DENND6A: variants seen among roughly 807,000 people sequenced by gnomAD.
DENND6A encodes protein DENND6A.
In DENND6A, 43 loss-of-function variants were observed where a neutral mutation model predicts 95.5. The observed-to-expected ratio is 0.45, with a 90% CI of 0.35 to 0.58. The LOEUF (loss-of-function observed/expected upper bound fraction) is 0.58. Ranked by LOEUF, DENND6A falls within the 20% of genes least tolerant of loss-of-function variation. The pLI, the probability that DENND6A is intolerant of heterozygous loss-of-function variation, is 0.00. For missense variants in DENND6A, 574 were observed against 736.0 expected, an observed-to-expected ratio of 0.78 and a Z score of 2.55; for synonymous variants, 257 against 260.4, an observed-to-expected ratio of 0.99 and a Z score of 0.13.
At chr3:57,662,253 T>C (rs1284401098) in intron 5 of DENND6A, among the ~76,000 whole-genome samples, 1 of 145,124 alleles carries the variant, frequency 6.9e-6, no homozygotes, top group African/African-American at 2.6e-5. Flanking sequence ...TGCAATGGTG[T>C]GATCATGGCT....
intron 11 of DENND6A, among the ~76,000 whole-genome samples, chr3:57,644,723 G>GAC (rs2071033154): frequency 4.2e-5 from 1 of 23,898 alleles, no homozygotes; most frequent in African/African-American, 1.7e-4. Context: ...GAGGAGGGGA[G>GAC]AGGAGGGGAA....
intron 1 of DENND6A, among the ~76,000 whole-genome samples, chr3:57,689,420 A>C (rs755897988): frequency 8.5e-5 from 13 of 152,178 alleles, no homozygotes; most frequent in Non-Finnish European, 1.6e-4. Flanking sequence ...ACAGTATATC[A>C]AACCCAGGAG....
At chr3:57,690,684 TAA>T (rs34961564) in intron 1 of DENND6A, among the ~76,000 whole-genome samples, 12 of 141,126 alleles carry the variant, frequency 8.5e-5, no homozygotes, top group Admixed American at 2.1e-4. Context: ...ACTCTGTCTT[TAA>T]AAAAAAAAAA....
Position 57,634,726 on chromosome 3 carries a change from T to C in DENND6A, c.1176A>G (p.Leu392=), listed in dbSNP as rs185906757. 1.5e-4 allele frequency: 230 copies of C among 1,571,344 alleles called. 1 individual carries two copies. In the East Asian group the frequency reaches 4.7e-3, roughly 32 times the overall value. The part of the protein sequence containing the change: ...KQVKVKKLKN[L]KTLDSKPGVY... ...TACCAGGTTTGGAATCCAGAGTCTT[T>C]AGATTCTTCAGTTTTTTCACTTTAA... Residue 392 remains leucine (L), a synonymous_variant, in exon 13 of 20, where the codon CTA becomes CTG. Coordinates refer to ENST00000311128, the MANE Select transcript of DENND6A (RefSeq NM_152678.3).
chr3:57,646,252 C>G, intron 10 of DENND6A, 64 bp downstream of exon 10: 1 of 1,547,860 alleles, frequency 6.5e-7, no homozygotes, highest in Admixed American at 2.1e-5. Flanking sequence ...GCAAATATCA[C>G]CAACAGGTTA....
intron 1 of DENND6A, among the ~76,000 whole-genome samples, chr3:57,674,961 C>T (rs781485156): frequency 9.2e-5 from 14 of 152,096 alleles, no homozygotes; most frequent in Non-Finnish European, 1.6e-4. Flanking sequence ...ACAACAGACA[C>T]TGGGGTCTAC....
At chr3:57,671,790 A>T (rs1232164790) in intron 3 of DENND6A, among the ~76,000 whole-genome samples, 3 of 152,156 alleles carry the variant, frequency 2.0e-5, no homozygotes, top group Non-Finnish European at 4.4e-5. Context: ...TACACCAAGC[A>T]CTACGCCAAG....
chr3:57,680,326 T>C (rs1166281488), intron 1 of DENND6A, among the ~76,000 whole-genome samples: 1 of 152,130 alleles, frequency 6.6e-6, no homozygotes, highest in Admixed American at 6.5e-5. Context: ...CTTGCTTCAA[T>C]AACAACAAAA....
intron 9 of DENND6A, among the ~76,000 whole-genome samples, chr3:57,648,277 G>A (rs2071121046): frequency 6.6e-6 from 1 of 151,922 alleles, no homozygotes; most frequent in Non-Finnish European, 1.5e-5. Flanking sequence ...AAAATACTAA[G>A]GAATATACTT....
intron 14 of DENND6A, 58 bp downstream of exon 14, chr3:57,634,500 C>A: frequency 1.1e-6 from 1 of 926,740 alleles, no homozygotes; most frequent in South Asian, 2.6e-5. Flanking sequence ...TATTGCGTAA[C>A]TGGATATTAC....
chr3:57,630,901 A>G lies in DENND6A; in HGVS notation c.1407+24T>C, dbSNP rs748485502. The G allele has an allele frequency of 3.7e-6, 6 of 1,612,524 alleles. No homozygotes were observed. The South Asian group carries it at 6.6e-5, about 18-fold the overall frequency. On this transcript the variant is annotated intron_variant, in intron 16 of 19. Transcript: ENST00000311128. ...GAAGTTAATTACAGTTAGAGGACCC[A>G]AATAGATTTGAATATATTCATACCT...
chr3:57,667,051 C>G (rs2071534905), intron 3 of DENND6A, among the ~76,000 whole-genome samples: 2 of 152,082 alleles, frequency 1.3e-5, no homozygotes, highest in Non-Finnish European at 2.9e-5. Context: ...TTTTTTGAGA[C>G]AGAGTCTCGC....
At chr3:57,669,756 TCA>T (rs752086888) in intron 3 of DENND6A, among the ~76,000 whole-genome samples, 1 of 150,376 alleles carries the variant, frequency 6.6e-6, no homozygotes, top group Non-Finnish European at 1.5e-5. Context: ...GTGCAGTGGT[TCA>T]CACCTGTAAT....
chr3:57,659,913 C>T (rs2071391241), intron 7 of DENND6A, among the ~76,000 whole-genome samples: 1 of 152,208 alleles, frequency 6.6e-6, no homozygotes, highest in Admixed American at 6.5e-5. Context: ...GCATATCACT[C>T]ATCTCTGGAG....
intron 19 of DENND6A, 88 bp from the exon 20 acceptor site, chr3:57,628,433 C>A: frequency 6.8e-7 from 1 of 1,473,580 alleles, no homozygotes; most frequent in Non-Finnish European, 9.0e-7. Context: ...TTTTAAAGGT[C>A]TAACAATTAG....
chr3:57,670,668 A>C (rs768605579), intron 3 of DENND6A, among the ~76,000 whole-genome samples: 3 of 152,144 alleles, frequency 2.0e-5, no homozygotes, highest in Non-Finnish European at 4.4e-5. Flanking sequence ...GTTGCCTTCA[A>C]CTCAAAATAA....
intron 5 of DENND6A, among the ~76,000 whole-genome samples, chr3:57,662,856 T>C (rs1421980216): frequency 6.6e-6 from 1 of 151,952 alleles, no homozygotes; most frequent in East Asian, 1.9e-4. Flanking sequence ...CGGTGGCTCA[T>C]GCCTGTAATC....
At chr3:57,658,235 CAA>C (rs371174320) in intron 8 of DENND6A, among the ~76,000 whole-genome samples, 4 of 124,194 alleles carry the variant, frequency 3.2e-5, no homozygotes, top group African/African-American at 3.0e-5. Context: ...GACTCCATCT[CAA>C]AAAAAAAAAA....
chr3:57,666,100 T>C (rs750153002), intron 4 of DENND6A, 23 bp downstream of exon 4: 1 of 1,592,884 alleles, frequency 6.3e-7, no homozygotes, highest in Non-Finnish European at 8.6e-7. Context: ...ACATGGACAT[T>C]TTCCTATGAC....
Sources: gnomAD v4.1 joint callset for allele counts (sites outside exome capture counted in the v4.1 genomes callset) on GRCh38, gnomAD v4.1.1 for gene constraint, MANE v1.5 for transcripts, NCBI Gene and HGNC (gene_info 2026-07-23, HGNC 2026-07-21) for gene names.